FHIP1A: variants seen among roughly 807,000 people sequenced by gnomAD.
The protein encoded by FHIP1A is FHF complex subunit HOOK-interacting protein 1A.
A neutral mutation model predicts 88.6 loss-of-function variants in FHIP1A; 61 were observed. The ratio of observed to expected loss-of-function variants is 0.69; its 90% CI spans 0.56 to 0.85. FHIP1A has a LOEUF of 0.85. Among genes scored for constraint, FHIP1A ranks in the 40% least tolerant of loss-of-function variants. The pLI is 0.00. For synonymous variants in FHIP1A, 478 were observed against 496.0 expected, an observed-to-expected ratio of 0.96 and a Z score of 0.48; for missense variants, 1,154 against 1,273.5, an observed-to-expected ratio of 0.91 and a Z score of 1.43.
At chr4:151,496,793 C>A (rs1730480610) in intron 3 of FHIP1A, among the ~76,000 whole-genome samples, 1 of 143,142 alleles carries the variant, frequency 7.0e-6, no homozygotes, top group Admixed American at 7.3e-5. Flanking sequence ...AACTCCTGAG[C>A]TCAAGCTGTC....
At position 151,482,504 on chromosome 4, in the gene FHIP1A, A is replaced by G. The variant is rs901069261; in HGVS notation, c.-247-20A>G. On this transcript the variant is annotated intron_variant, in intron 2 of 13. Transcript: ENST00000435205. ...TGGATTTTGCAGTTTATTAATTATTATTTTTATTCCTCTTCATAGATTTTT... is the reference window on the plus strand; with the variant it reads ...TGGATTTTGCAGTTTATTAATTATTGTTTTTATTCCTCTTCATAGATTTTT... 6.6e-6 allele frequency: 1 copy of G among 151,988 alleles called. No homozygotes were observed. The highest frequency in any genetic ancestry group is 2.1e-4 in the South Asian group (1 of 4,806). 9.4% of individuals were successfully genotyped at this position (151,988 alleles called of 1,614,324 possible). A position where few individuals can be genotyped will look rare whatever the true frequency, so the allele number is the denominator to read the frequency against.
chr4:151,600,560 T>G (rs1466869493), intron 7 of FHIP1A, among the ~76,000 whole-genome samples: 2 of 152,184 alleles, frequency 1.3e-5, no homozygotes, highest in African/African-American at 2.4e-5. Flanking sequence ...TCAAACTTAG[T>G]GACTTAAAAC....
chr4:151,601,379 C>A (rs1316251814), intron 7 of FHIP1A, among the ~76,000 whole-genome samples: 2 of 151,896 alleles, frequency 1.3e-5, no homozygotes, highest in Non-Finnish European at 2.9e-5. Flanking sequence ...CCAGTATCAG[C>A]ATCTTAGAGC....
chr4:151,503,188 C>T (rs1487832828), intron 3 of FHIP1A, among the ~76,000 whole-genome samples: 6 of 152,146 alleles, frequency 3.9e-5, no homozygotes. Flanking sequence ...CTTATGGATA[C>T]TGCTTTGCTT....
chr4:151,547,409 CT>C (rs777666546), intron 3 of FHIP1A, among the ~76,000 whole-genome samples: 3 of 152,100 alleles, frequency 2.0e-5, no homozygotes, highest in Non-Finnish European at 2.9e-5. Context: ...CTTAAACACT[CT>C]TTTTTTCCCC....
chr4:151,644,843 T>C (rs9307884), intron 9 of FHIP1A, among the ~76,000 whole-genome samples: 4,901 of 152,160 alleles, frequency 0.032, 264 homozygotes, highest in African/African-American at 0.11. Flanking sequence ...AGCAGCATTG[T>C]CTTCTCTGGG....
At chr4:151,496,413 A>G (rs1730462489) in intron 3 of FHIP1A, among the ~76,000 whole-genome samples, 1 of 152,026 alleles carries the variant, frequency 6.6e-6, no homozygotes, top group African/African-American at 2.4e-5. Context: ...ATGAATATAT[A>G]TTTGTTTTTG....
At chr4:151,488,887 T>C (rs1730178950) in intron 3 of FHIP1A, among the ~76,000 whole-genome samples, 1 of 152,184 alleles carries the variant, frequency 6.6e-6, no homozygotes, top group African/African-American at 2.4e-5. Flanking sequence ...CTTCCTACTT[T>C]TGTAAAATAA....
chr4:151,484,704 G>A (rs1453406041), intron 3 of FHIP1A, among the ~76,000 whole-genome samples: 2 of 152,234 alleles, frequency 1.3e-5, no homozygotes, highest in Non-Finnish European at 2.9e-5. Context: ...GAATTCATCT[G>A]TTATGAAATT....
intron 7 of FHIP1A, among the ~76,000 whole-genome samples, chr4:151,608,563 AC>A (rs1212964114): frequency 6.6e-6 from 1 of 152,178 alleles, no homozygotes; most frequent in Non-Finnish European, 1.5e-5. Flanking sequence ...ATGAGCCGGC[AC>A]CCAGGTGCTC....
chr4:151,543,066 C>G (rs1732357325), intron 3 of FHIP1A, among the ~76,000 whole-genome samples: 1 of 152,180 alleles, frequency 6.6e-6, no homozygotes, highest in Non-Finnish European at 1.5e-5. Context: ...CAGATAGACA[C>G]TGTTCTGAAA....
At chr4:151,506,490 A>G (rs959850345) in intron 3 of FHIP1A, among the ~76,000 whole-genome samples, 1 of 152,228 alleles carries the variant, frequency 6.6e-6, no homozygotes, top group African/African-American at 2.4e-5. Context: ...GCATGGCACC[A>G]GCATCTGCTT....
At chr4:151,549,320 G>A (rs1433420531) in intron 3 of FHIP1A, among the ~76,000 whole-genome samples, 1 of 152,048 alleles carries the variant, frequency 6.6e-6, no homozygotes, top group Non-Finnish European at 1.5e-5. Flanking sequence ...AAGAATAAGA[G>A]AGCTGAACAT....
At chr4:151,486,274 G>C (rs978514993) in intron 3 of FHIP1A, among the ~76,000 whole-genome samples, 6 of 152,116 alleles carry the variant, frequency 3.9e-5, no homozygotes, top group African/African-American at 1.4e-4. Context: ...ATTCTGATAT[G>C]TGCTATTGTG....
intron 1 of FHIP1A, among the ~76,000 whole-genome samples, chr4:151,442,292 A>G (rs1728440894): frequency 6.6e-6 from 1 of 152,078 alleles, no homozygotes; most frequent in Non-Finnish European, 1.5e-5. Context: ...TGTTTTAGTC[A>G]GAGTTTGTTG....
At chr4:151,414,199 C>A (rs1170035258) in intron 1 of FHIP1A, among the ~76,000 whole-genome samples, 2 of 152,118 alleles carry the variant, frequency 1.3e-5, no homozygotes, top group East Asian at 3.9e-4. Flanking sequence ...TACAGGCATG[C>A]GCCACCATGC....
chr4:151,517,979 A>G (rs1731308738), intron 3 of FHIP1A, among the ~76,000 whole-genome samples: 1 of 152,220 alleles, frequency 6.6e-6, no homozygotes, highest in African/African-American at 2.4e-5. Context: ...AGGTTAATTT[A>G]TTATTGAAGA....
intron 1 of FHIP1A, among the ~76,000 whole-genome samples, chr4:151,433,194 T>A (rs546186029): frequency 6.6e-6 from 1 of 151,964 alleles, no homozygotes; most frequent in South Asian, 2.1e-4. Context: ...AATATTATTC[T>A]TACAGCAGTA....
chr4:151,499,834 G>A (rs1730587362), intron 3 of FHIP1A, among the ~76,000 whole-genome samples: 1 of 152,148 alleles, frequency 6.6e-6, no homozygotes, highest in Admixed American at 6.6e-5. Context: ...ACTATCATGA[G>A]AACAGCATGA....
Sources: allele counts gnomAD v4.1 joint callset (sites outside exome capture counted in the v4.1 genomes callset), GRCh38; gene constraint gnomAD v4.1.1; transcripts MANE v1.5; gene names NCBI Gene and HGNC (gene_info 2026-07-23, HGNC 2026-07-21).